Variants in SLC25A39 observed in about 807,000 individuals in gnomAD.
SLC25A39 encodes the protein solute carrier family 25 member 39, also known as mitochondrial glutathione transporter SLC25A39.
SLC25A39 carries 44 observed loss-of-function variants against 46.6 expected under a neutral mutation model. The ratio of observed to expected loss-of-function variants is 0.94; its 90% CI spans 0.74 to 1.21. The LOEUF (loss-of-function observed/expected upper bound fraction) is 1.21. SLC25A39 is among the 50% of genes most tolerant of loss of function. The probability of loss-of-function intolerance (pLI) is 0.00; values close to 1 mark genes in which losing one functional copy is unlikely to be tolerated. For missense variants in SLC25A39, 487 were observed against 473.0 expected, an observed-to-expected ratio of 1.03 and a Z score of -0.28; for synonymous variants, 218 against 190.6, an observed-to-expected ratio of 1.14 and a Z score of -1.19.
chr17:44,323,017 G>A (rs747749226), intron 3 of SLC25A39, among the ~76,000 whole-genome samples, 165 bp from the exon 4 acceptor site: 16 of 152,086 alleles, frequency 1.1e-4, no homozygotes, highest in Non-Finnish European at 1.6e-4. Context: ...CCACCTTCCC[G>A]GTTCAAGCGA....
chr17:44,320,153 C>T lies in SLC25A39; in HGVS notation c.965-37G>A, dbSNP rs1272887711. On this transcript the variant is annotated intron_variant, in intron 11 of 11. Transcript: ENST00000377095. ...AGGAGGCCCGTGTCAGGGGTCAGGT[C>T]GCAGGTCCGCCATGCCCCCACCCCC... 7 of 1,613,846 alleles carry T rather than the reference C, an allele frequency of 4.3e-6. No homozygotes were observed. In the South Asian group the frequency reaches 5.5e-5, roughly 13 times the overall value.
Position 44,321,471 on chromosome 17 carries a change from G to C in SLC25A39, c.480C>G (p.Asp160Glu). ...CGCCAGCCACCATGGGTGCGTAGAGGTCAGAGGTCAGGGCTCGACCACACA... is the reference window on the plus strand; with the variant it reads ...CGCCAGCCACCATGGGTGCGTAGAGCTCAGAGGTCAGGGCTCGACCACACA... Reference protein sequence around the residue: ...AFLCGRALTSDLYAPMVAGAL... With the variant: ...AFLCGRALTSELYAPMVAGAL... The change falls in exon 7 of 12, where the codon GAC becomes GAG. Residue 160 changes from aspartate (D) to glutamate (E), a missense_variant. Physicochemically the swap from Asp to Glu is conservative, Grantham distance 45. Transcript: ENST00000377095. 1.9e-6 allele frequency: 3 copies of C among 1,614,014 alleles called. No homozygotes were observed. The highest frequency in any genetic ancestry group is 1.3e-5 in the African/African-American group (1 of 75,054).
At chr17:44,322,383 C>T in intron 5 of SLC25A39, 36 bp downstream of exon 5, 1 of 1,612,992 alleles carries the variant, frequency 6.2e-7, no homozygotes, top group Non-Finnish European at 8.5e-7. Context: ...TCCTCACGGA[C>T]ACCGACGAAT....
intron 7 of SLC25A39, 31 bp from the exon 8 acceptor site, chr17:44,321,262 G>T (rs377550453): frequency 1.6e-5 from 25 of 1,589,960 alleles, no homozygotes; most frequent in Middle Eastern, 3.3e-4. Context: ...ACAATGGGGA[G>T]AAGTGAGATC....
intron 4 of SLC25A39, 25 bp from the exon 5 acceptor site, chr17:44,322,577 A>G (rs2048083715): frequency 1.2e-6 from 2 of 1,611,884 alleles, no homozygotes; most frequent in Non-Finnish European, 1.7e-6. Context: ...GGGGCATTAT[A>G]ATGACAGGAT....
intron 5 of SLC25A39, 53 bp downstream of exon 5, chr17:44,322,366 A>G: frequency 6.2e-7 from 1 of 1,607,516 alleles, no homozygotes; most frequent in Non-Finnish European, 8.5e-7. Context: ...GCCCAGCCAG[A>G]CCGAACTCCT....
intron 5 of SLC25A39, 77 bp downstream of exon 5, chr17:44,322,342 C>A (rs1233091809): frequency 6.4e-7 from 1 of 1,563,912 alleles, no homozygotes; most frequent in Non-Finnish European, 8.8e-7. Context: ...AATCCCTTTA[C>A]TCCTGGGTCT....
chr17:44,321,370 G>A, intron 7 of SLC25A39, 64 bp downstream of exon 7: 1 of 1,609,384 alleles, frequency 6.2e-7, no homozygotes, highest in Non-Finnish European at 8.5e-7. Context: ...CTGGGAGCTG[G>A]GACTGACTGG....
chr17:44,319,908 T>C lies in SLC25A39; in HGVS notation c.*93A>G. The C allele has an allele frequency of 1.6e-6, 2 of 1,236,348 alleles. No homozygotes were observed. Among genetic ancestry groups the C allele is most frequent in the Non-Finnish European group, 2.3e-6 (2 of 858,872 alleles). The allele number at this position is 1,236,348 out of a possible 1,614,324, so 76.6% of individuals were successfully genotyped here. A position where few individuals can be genotyped will look rare whatever the true frequency, so the allele number is the denominator to read the frequency against. On this transcript the variant is annotated 3_prime_UTR_variant, in exon 12 of 12. Coordinates refer to ENST00000377095, the MANE Select transcript of SLC25A39 (RefSeq NM_001143780.3). ...CGGGAGGGAAGGGAAACAAGCCCCC[T>C]CCCTCAGTGCTGAGGAAAAGGCACT... is the stretch of plus-strand genomic sequence containing the variant.
rs11545312 is a variant in SLC25A39 at position 44,321,168 on chromosome 17, A to C, written c.581T>G (p.Val194Gly). ...ACAGGCACCCAGCTCCCGGTACGACACATGCTGAGCCTGCAGCTTTGTCCG... is the reference window on the plus strand; with the variant it reads ...ACAGGCACCCAGCTCCCGGTACGACCCATGCTGAGCCTGCAGCTTTGTCCG... ...LMRTKLQAQH[V>G]SYRELGACVR... Residue 194 changes from valine to glycine, a missense_variant, in exon 8 of 12, where the codon GTG becomes GGG. Val to Gly is a moderately radical substitution (Grantham distance 109). Transcript: ENST00000377095. 1.5e-4 allele frequency: 239 copies of C among 1,613,038 alleles called. No individual in the cohort carries two copies. The highest frequency in any genetic ancestry group is 3.3e-4 in the Middle Eastern group (2 of 6,060).
intron 1 of SLC25A39, chr17:44,324,465 G>C (rs1020066690): frequency 1.3e-5 from 2 of 152,354 alleles, no homozygotes; most frequent in East Asian, 3.9e-4. Flanking sequence ...CGGAGAGAAA[G>C]AGCAGTCTCT....
At chr17:44,322,762 C>T (rs1266938472) in intron 4 of SLC25A39, 46 bp downstream of exon 4, 2 of 1,613,216 alleles carry the variant, frequency 1.2e-6, no homozygotes, top group African/African-American at 1.3e-5. Flanking sequence ...CAAGGACTGT[C>T]TCCCCCTTGC....
At chr17:44,323,439 A>AT in intron 2 of SLC25A39, 39 bp downstream of exon 2, 4 of 257,082 alleles carry the variant, frequency 1.6e-5, no homozygotes, top group Admixed American at 1.9e-4. Flanking sequence ...GGTCTGCCCC[A>AT]TCCCCACCCG....
intron 9 of SLC25A39, 27 bp from the exon 10 acceptor site, chr17:44,320,463 C>A (rs1308708152): frequency 5.0e-6 from 8 of 1,612,224 alleles, no homozygotes; most frequent in Non-Finnish European, 6.8e-6. Context: ...GGAGAGGGCT[C>A]AGCTCCACTT....
Position 44,323,415 on chromosome 17 carries a change from AG to A in SLC25A39, c.85+62del. 3.2e-6 allele frequency: 5 copies of A among 1,564,370 alleles called. No individual in the cohort carries two copies. The Admixed American group carries it at 5.6e-5, about 18-fold the overall frequency. On this transcript the variant is annotated intron_variant, in intron 2 of 11. Coordinates refer to ENST00000377095, the MANE Select transcript of SLC25A39 (RefSeq NM_001143780.3). ...TAGGACTCCTCCCCCAGGACCACAC[AG>A]CCTCCAATCTCCGGTCTGCCCCATC...
At position 44,321,740 on chromosome 17, in the gene SLC25A39, C is replaced by T. The variant is rs775002355; in HGVS notation, c.352G>A (p.Glu118Lys). The T allele has an allele frequency of 1.9e-6, 3 of 1,612,418 alleles. No individual in the cohort carries two copies. Among genetic ancestry groups the T allele is most frequent in the African/African-American group, 1.3e-5 (1 of 74,902 alleles). Reference sequence around the variant, plus strand: ...CCGCTCCAGAGGGTCCTGGTGCCCTCGTGCCTCACGATCTTCACGAAGGCA... The same window carrying T: ...CCGCTCCAGAGGGTCCTGGTGCCCTTGTGCCTCACGATCTTCACGAAGGCA... Reference protein sequence around the residue: ...MDAFVKIVRHEGTRTLWSGLP... With the variant: ...MDAFVKIVRHKGTRTLWSGLP... Residue 118 changes from glutamate (E) to lysine (K), a missense_variant, in exon 6 of 12, where the codon GAG becomes AAG. Coordinates refer to ENST00000377095, the MANE Select transcript of SLC25A39 (RefSeq NM_001143780.3).
At chr17:44,320,847 G>T in intron 8 of SLC25A39, 116 bp from the exon 9 acceptor site, 1 of 1,008,364 alleles carries the variant, frequency 9.9e-7, no homozygotes, top group Non-Finnish European at 1.5e-6. Context: ...GCTACATGCA[G>T]GCTCAGAAGC....
intron 2 of SLC25A39, 23 bp downstream of exon 2, chr17:44,323,448 CGCCCCCA>C: frequency 7.5e-7 from 1 of 1,333,466 alleles, no homozygotes; most frequent in Admixed American, 2.3e-5. Context: ...CATCCCCACC[CGCCCCCA>C]CCCCACCTCC....
At chr17:44,322,724 G>T in intron 4 of SLC25A39, 84 bp downstream of exon 4, 1 of 1,596,958 alleles carries the variant, frequency 6.3e-7, no homozygotes, top group South Asian at 1.1e-5. Context: ...CATGGCTGTG[G>T]AGCCCACTGG....
Sources: allele counts gnomAD v4.1 joint callset (sites outside exome capture counted in the v4.1 genomes callset), GRCh38; gene constraint gnomAD v4.1.1; transcripts MANE v1.5; gene names NCBI Gene and HGNC (gene_info 2026-07-23, HGNC 2026-07-21).